Variants in PRUNE2 observed in about 807,000 individuals in gnomAD.
PRUNE2 encodes the protein protein prune homolog 2.
PRUNE2 carries 164 observed loss-of-function variants against 252.0 expected under a neutral mutation model. That is an observed-to-expected ratio of 0.65 (90% CI 0.57 to 0.74). The LOEUF is 0.74. PRUNE2 is among the 30% of genes least tolerant of loss of function. PRUNE2 has a pLI of 0.00. For synonymous variants in PRUNE2, 1,292 were observed against 1,350.2 expected (o/e 0.96, Z 0.94); for missense variants, 3,495 against 3,711.0 (o/e 0.94, Z 1.51).
intron 6 of PRUNE2, among the ~76,000 whole-genome samples, chr9:76,755,868 A>C (rs2051103459): frequency 6.6e-6 from 1 of 151,950 alleles, no homozygotes; most frequent in African/African-American, 2.4e-5. Context: ...CGCCCCGGTA[A>C]ATTTTTGCAT....
chr9:76,749,314 G>A (rs1054574642), intron 6 of PRUNE2, among the ~76,000 whole-genome samples: 4 of 152,206 alleles, frequency 2.6e-5, no homozygotes, highest in Non-Finnish European at 5.9e-5. Flanking sequence ...CCTGGAGAAA[G>A]TCAGTCCCAA....
chr9:76,732,398 T>C (rs1313224724), intron 6 of PRUNE2, among the ~76,000 whole-genome samples: 2 of 152,250 alleles, frequency 1.3e-5, no homozygotes, highest in Non-Finnish European at 1.5e-5. Context: ...TTGTCTATCA[T>C]GGTCTAGAAC....
chr9:76,624,511 G>T (rs762495233), intron 16 of PRUNE2, 21 bp from the exon 17 acceptor site: 2 of 1,394,248 alleles, frequency 1.4e-6, no homozygotes, highest in East Asian at 2.7e-5. Flanking sequence ...AAAAATTATT[G>T]GTGTGGAAAA....
chr9:76,754,480 C>G (rs1446562745), intron 6 of PRUNE2, among the ~76,000 whole-genome samples: 2 of 152,204 alleles, frequency 1.3e-5, no homozygotes, highest in Admixed American at 1.3e-4. Context: ...ACATCATTTT[C>G]TAAGGAGTGC....
At chr9:76,837,800 C>T (rs770518844) in intron 4 of PRUNE2, among the ~76,000 whole-genome samples, 1 of 140,252 alleles carries the variant, frequency 7.1e-6, no homozygotes. Flanking sequence ...GAGACGGAGT[C>T]TTGCTCTGTC....
intron 16 of PRUNE2, among the ~76,000 whole-genome samples, chr9:76,626,447 T>A (rs1174415431): frequency 2.6e-5 from 4 of 152,168 alleles, no homozygotes; most frequent in African/African-American, 9.7e-5. Flanking sequence ...TGAAGGTCAG[T>A]AACAGAAATG....
chr9:76,875,059 T>C (rs1350586393), intron 1 of PRUNE2, among the ~76,000 whole-genome samples: 1 of 152,154 alleles, frequency 6.6e-6, no homozygotes, highest in Non-Finnish European at 1.5e-5. Context: ...CCAGTGTGTT[T>C]CAACCATACA....
intron 12 of PRUNE2, among the ~76,000 whole-genome samples, chr9:76,641,091 C>T (rs138667226): frequency 2.6e-3 from 397 of 152,248 alleles, no homozygotes; most frequent in African/African-American, 8.2e-3. Context: ...AATGTTGCAG[C>T]GTCATGTTCA....
intron 6 of PRUNE2, among the ~76,000 whole-genome samples, chr9:76,818,466 C>A (rs914025037): frequency 8.5e-5 from 13 of 152,086 alleles, no homozygotes; most frequent in African/African-American, 3.1e-4. Flanking sequence ...CTCCAAGGTG[C>A]AGTATGGCTG....
chr9:76,713,510 G>A lies in PRUNE2; in HGVS notation c.915+53C>T. 4.0e-6 allele frequency: 6 copies of A among 1,495,124 alleles called. No homozygotes were observed. In the South Asian group the frequency reaches 8.1e-5, roughly 20 times the overall value. The allele number at this position is 1,495,124 out of a possible 1,614,324, so 92.6% of individuals were successfully genotyped here. On this transcript the variant is annotated intron_variant, in intron 7 of 18. Transcript: ENST00000376718. Reference sequence around the variant, plus strand: ...TTCTGTCTTGCACTGTGTGTTCTGAGAGCCAGCAGGTTAGGACAGAGGGAA... The same window carrying A: ...TTCTGTCTTGCACTGTGTGTTCTGAAAGCCAGCAGGTTAGGACAGAGGGAA...
At chr9:76,880,601 T>A (rs889723397) in intron 1 of PRUNE2, among the ~76,000 whole-genome samples, 2 of 152,172 alleles carry the variant, frequency 1.3e-5, no homozygotes, top group Non-Finnish European at 2.9e-5. Context: ...AAAAAATAAA[T>A]TAATTTAATT....
chr9:76,900,823 C>A (rs2063126684), intron 1 of PRUNE2, among the ~76,000 whole-genome samples: 1 of 152,132 alleles, frequency 6.6e-6, no homozygotes, highest in Admixed American at 6.5e-5. Flanking sequence ...GTTCCCTCTA[C>A]CCCCTCCCTG....
chr9:76,837,858 G>T (rs187575466), intron 4 of PRUNE2, among the ~76,000 whole-genome samples: 1,571 of 149,284 alleles, frequency 0.011, 30 homozygotes, highest in African/African-American at 0.036. Flanking sequence ...TGCAAGCTCT[G>T]CCTCCTGGGT....
At chr9:76,834,384 G>A (rs559934976) in intron 4 of PRUNE2, among the ~76,000 whole-genome samples, 57 of 152,296 alleles carry the variant, frequency 3.7e-4, no homozygotes, top group African/African-American at 1.2e-3. Context: ...AGTAAATTTA[G>A]CAAGTTTGCT....
chr9:76,801,240 T>C (rs1421110988), intron 6 of PRUNE2, among the ~76,000 whole-genome samples: 1 of 152,212 alleles, frequency 6.6e-6, no homozygotes. Context: ...CTGCATGCAA[T>C]TTAAAAACTT....
rs1564355923 is a variant in PRUNE2, at chr9:76,811,449, C to CCT, written c.756+12182_756+12183insAG. Reference sequence around the variant, plus strand: ...TGACTAAAATGACTAGAACAAAAGTCTACCAATGACTTTTCCAGATACCAA... The same window carrying CCT: ...TGACTAAAATGACTAGAACAAAAGTCCTTACCAATGACTTTTCCAGATACCAA... On this transcript the variant is annotated intron_variant, in intron 6 of 18. Coordinates refer to ENST00000376718, the MANE Select transcript of PRUNE2 (RefSeq NM_015225.3). Among the ~76,000 whole-genome samples the CCT allele has an allele frequency of 2.0e-5, 3 of 152,322 alleles. No homozygotes were observed. The South Asian group carries it at 6.2e-4, about 32-fold the overall frequency.
chr9:76,629,264 T>C lies in PRUNE2; in HGVS notation c.9077A>G (p.Tyr3026Cys). ...ACTGAGTTCTGATAAGCTATTGACA[T>C]ATTTAATTTTACTGCTGAATTTTGA... is the stretch of plus-strand genomic sequence containing the variant. Reference protein sequence around the residue: ...ISSKFSSKIKYVNSLSELSGL... With the variant: ...ISSKFSSKIKCVNSLSELSGL... The change falls in exon 16 of 19, where the codon TAT becomes TGT. Residue 3026 changes from tyrosine to cysteine, a missense_variant. Physicochemically the swap from Tyr to Cys is radical, Grantham distance 194. Coordinates refer to ENST00000376718, the MANE Select transcript of PRUNE2 (RefSeq NM_015225.3). The C allele has an allele frequency of 1.3e-6, 2 of 1,575,650 alleles. No homozygotes were observed. The highest frequency in any genetic ancestry group is 1.7e-6 in the Non-Finnish European group (2 of 1,159,106).
At chr9:76,731,949 AC>A (rs1304212180) in intron 6 of PRUNE2, among the ~76,000 whole-genome samples, 10 of 152,100 alleles carry the variant, frequency 6.6e-5, no homozygotes, top group African/African-American at 2.4e-4. Context: ...TTACTCAGAC[AC>A]CCCCGCTGCT....
chr9:76,635,994 G>T (rs1251512097), intron 15 of PRUNE2, among the ~76,000 whole-genome samples: 1 of 152,154 alleles, frequency 6.6e-6, no homozygotes, highest in Non-Finnish European at 1.5e-5. Flanking sequence ...CAAAATGGCT[G>T]CCCAGACTCT....
Sources: gnomAD v4.1 joint callset for allele counts (sites outside exome capture counted in the v4.1 genomes callset) on GRCh38, gnomAD v4.1.1 for gene constraint, MANE v1.5 for transcripts, NCBI Gene and HGNC (gene_info 2026-07-23, HGNC 2026-07-21) for gene names.